Variants in COX10 observed in about 807,000 individuals in gnomAD.
The protein encoded by COX10 is cytochrome c oxidase assembly factor heme A:farnesyltransferase COX10.
COX10 carries 27 observed loss-of-function variants against 37.3 expected under a neutral mutation model. The observed-to-expected ratio is 0.72, with a 90% confidence interval of 0.53 to 1.00. COX10 has a LOEUF of 1.00. COX10 is among the 50% of genes least tolerant of loss of function. The pLI is 0.00. For synonymous variants in COX10, 222 were observed against 229.1 expected, an observed-to-expected ratio of 0.97 and a Z score of 0.28; for missense variants, 475 against 563.2, an observed-to-expected ratio of 0.84 and a Z score of 1.59.
At chr17:14,192,371 A>T in intron 6 of COX10, 150 bp downstream of exon 6, 1 of 1,613,282 alleles carries the variant, frequency 6.2e-7, no homozygotes, top group Non-Finnish European at 8.5e-7. Context: ...AATTTTGTGG[A>T]CGCAGAGTAA....
chr17:14,076,659 T>C (rs560330585), intron 2 of COX10, 76 bp from the exon 3 acceptor site: 17 of 1,351,142 alleles, frequency 1.3e-5, no homozygotes, highest in Non-Finnish European at 1.5e-5. Context: ...GCTGGTCTGA[T>C]TGAAGATGTT....
intron 4 of COX10, among the ~76,000 whole-genome samples, chr17:14,112,346 C>G (rs1916021146): frequency 6.6e-6 from 1 of 152,126 alleles, no homozygotes; most frequent in South Asian, 2.1e-4. Flanking sequence ...TCTTGACATT[C>G]ACCCACCTAT....
At chr17:14,201,124 G>A (rs1173695490) in intron 6 of COX10, among the ~76,000 whole-genome samples, 1 of 152,212 alleles carries the variant, frequency 6.6e-6, no homozygotes, top group Non-Finnish European at 1.5e-5. Context: ...GGAGCTTGAG[G>A]CAGAGGAGAT....
chr17:14,111,274 T>G (rs1009478537), intron 4 of COX10, among the ~76,000 whole-genome samples: 1 of 152,164 alleles, frequency 6.6e-6, no homozygotes, highest in East Asian at 1.9e-4. Flanking sequence ...CTTACCTGTG[T>G]GATTAATCTT....
chr17:14,074,255 G>A (rs990458514), intron 1 of COX10, 68 bp from the exon 2 acceptor site: 5 of 1,586,236 alleles, frequency 3.2e-6, no homozygotes, highest in African/African-American at 1.3e-5. Flanking sequence ...CTTCTGGGGA[G>A]GTGTAGTCAT....
intron 4 of COX10, among the ~76,000 whole-genome samples, chr17:14,154,017 A>T (rs543639995): frequency 6.6e-6 from 1 of 152,324 alleles, no homozygotes; most frequent in East Asian, 1.9e-4. Flanking sequence ...GAGTGTAAAA[A>T]ATTCAGACAA....
At chr17:14,185,412 G>C (rs552418348) in intron 5 of COX10, among the ~76,000 whole-genome samples, 77 of 149,468 alleles carry the variant, frequency 5.2e-4, no homozygotes, top group African/African-American at 1.8e-3. Flanking sequence ...ATTTAGCTCT[G>C]ACCACATTTT....
chr17:14,074,669 A>C (rs923304678), intron 2 of COX10, among the ~76,000 whole-genome samples: 1 of 152,232 alleles, frequency 6.6e-6, no homozygotes, highest in Non-Finnish European at 1.5e-5. Flanking sequence ...TATGATCCTG[A>C]ACTTATTGAT....
intron 3 of COX10, among the ~76,000 whole-genome samples, chr17:14,091,989 A>AT (rs1193799530): frequency 2.0e-5 from 3 of 152,166 alleles, no homozygotes; most frequent in Non-Finnish European, 1.5e-5. Context: ...GTTTTATGGA[A>AT]TTTTTTAAAG....
At chr17:14,094,115 C>A (rs562317903) in intron 3 of COX10, among the ~76,000 whole-genome samples, 2 of 152,238 alleles carry the variant, frequency 1.3e-5, no homozygotes, top group South Asian at 4.2e-4. Context: ...CTTGATTAGA[C>A]CCTGGTAGAT....
intron 6 of COX10, among the ~76,000 whole-genome samples, chr17:14,199,731 A>T (rs2142268188): frequency 6.6e-6 from 1 of 152,262 alleles, no homozygotes; most frequent in Admixed American, 6.5e-5. Flanking sequence ...CAGTTGATAA[A>T]CTGGCCCCAC....
At chr17:14,187,249 T>C (rs1031866400) in intron 5 of COX10, among the ~76,000 whole-genome samples, 1 of 151,990 alleles carries the variant, frequency 6.6e-6, no homozygotes, top group African/African-American at 2.4e-5. Context: ...CGGAATTTCT[T>C]CTAACCAGAG....
At chr17:14,166,929 G>A (rs1905306818) in intron 5 of COX10, among the ~76,000 whole-genome samples, 1 of 151,044 alleles carries the variant, frequency 6.6e-6, no homozygotes, top group South Asian at 2.1e-4. Context: ...TGACTTTTTA[G>A]TTGTATTTAA....
intron 5 of COX10, among the ~76,000 whole-genome samples, chr17:14,168,841 G>T (rs889997503): frequency 6.6e-6 from 1 of 152,230 alleles, no homozygotes; most frequent in African/African-American, 2.4e-5. Flanking sequence ...TGTGATGGGA[G>T]GGGCTGCAGC....
chr17:14,118,262 C>G (rs1916156819), intron 4 of COX10, among the ~76,000 whole-genome samples: 2 of 152,024 alleles, frequency 1.3e-5, no homozygotes, highest in Non-Finnish European at 2.9e-5. Context: ...GGGTAGAGCC[C>G]TCACCAAGGA....
At chr17:14,205,043 G>A (rs1350666373) in intron 6 of COX10, among the ~76,000 whole-genome samples, 1 of 152,170 alleles carries the variant, frequency 6.6e-6, no homozygotes. Context: ...AGAGATCGAG[G>A]CTGCAGTGAG....
At chr17:14,169,379 TC>T (rs1905388469) in intron 5 of COX10, among the ~76,000 whole-genome samples, 1 of 152,132 alleles carries the variant, frequency 6.6e-6, no homozygotes, top group Non-Finnish European at 1.5e-5. Flanking sequence ...TCCCACATCT[TC>T]CTGTCTTTTT....
chr17:14,129,425 T>G (rs114233264), intron 4 of COX10, among the ~76,000 whole-genome samples: 2,482 of 152,284 alleles, frequency 0.016, 76 homozygotes, highest in African/African-American at 0.056. Context: ...CAGTTTGTCC[T>G]CCCTAAACTC....
intron 4 of COX10, among the ~76,000 whole-genome samples, chr17:14,141,069 C>T (rs763996630): frequency 7.9e-5 from 12 of 151,686 alleles, no homozygotes; most frequent in East Asian, 3.9e-4. Context: ...TCATGAGTTA[C>T]GGTGTTAAAG....
Sources: allele counts gnomAD v4.1 joint callset (sites outside exome capture counted in the v4.1 genomes callset), GRCh38; gene constraint gnomAD v4.1.1; transcripts MANE v1.5; gene names NCBI Gene and HGNC (gene_info 2026-07-23, HGNC 2026-07-21).